LYRM4: variants seen among roughly 807,000 people sequenced by gnomAD.
LYRM4 encodes the protein LYR motif-containing protein 4.
Under a neutral mutation model 11.7 loss-of-function variants are expected in LYRM4, and 9 were observed. That is an observed-to-expected ratio of 0.77 (90% CI 0.46 to 1.34). The LOEUF (loss-of-function observed/expected upper bound fraction) is 1.34, where lower values mean the gene tolerates loss of function less well. Ranked by LOEUF, LYRM4 falls within the 40% of genes most tolerant of loss-of-function variation. The pLI is 0.00. For synonymous variants in LYRM4, 42 were observed against 40.4 expected, an observed-to-expected ratio of 1.04 and a Z score of -0.15; for missense variants, 133 against 112.5, an observed-to-expected ratio of 1.18 and a Z score of -0.82.
intron 1 of LYRM4, chr6:5,240,690 G>C (rs1763825633): frequency 6.6e-6 from 1 of 152,254 alleles, no homozygotes; most frequent in Non-Finnish European, 1.5e-5. Flanking sequence ...GTAGGTCCCA[G>C]CTTTGTGAGC....
the LYRM4 span, chr6:5,066,638 T>G: frequency 8.4e-7 from 1 of 1,192,110 alleles, no homozygotes; most frequent in African/African-American, 1.5e-5. Context: ...TGGCACCAAT[T>G]TCAAGTAATG....
At chr6:5,218,453 A>G (rs1762402600) in intron 1 of LYRM4, 1 of 887,340 alleles carries the variant, frequency 1.1e-6, no homozygotes, top group South Asian at 5.2e-5. Flanking sequence ...TAAAGTAAAA[A>G]GGCATTTTAC....
At chr6:5,258,194 G>T (rs1459516636) in intron 1 of LYRM4, among the ~76,000 whole-genome samples, 1 of 152,192 alleles carries the variant, frequency 6.6e-6, no homozygotes, top group Admixed American at 6.5e-5. Context: ...GGAGCAGACA[G>T]GGCTCCTGCT....
the LYRM4 span, among the ~76,000 whole-genome samples, chr6:5,080,345 C>A: frequency 6.6e-6 from 1 of 152,204 alleles, no homozygotes; most frequent in Non-Finnish European, 1.5e-5. Flanking sequence ...CAGAGTGGAA[C>A]CTGCAATTCT....
At chr6:5,215,403 T>C (rs1762219032) in intron 2 of LYRM4, among the ~76,000 whole-genome samples, 2 of 152,190 alleles carry the variant, frequency 1.3e-5, no homozygotes, top group South Asian at 4.1e-4. Context: ...TATACATAAA[T>C]GTGCAGATCA....
chr6:5,057,542 C>T, the LYRM4 span, among the ~76,000 whole-genome samples: 3 of 146,404 alleles, frequency 2.0e-5, no homozygotes, highest in African/African-American at 7.6e-5. Flanking sequence ...GATGGTGAAA[C>T]CCCCATCTCT....
intron 1 of LYRM4, among the ~76,000 whole-genome samples, chr6:5,254,728 A>T (rs1764589961): frequency 6.6e-6 from 1 of 152,038 alleles, no homozygotes. Context: ...TCATACTCCA[A>T]CTTGCCCTCT....
chr6:5,180,694 G>A (rs1021936446), intron 2 of LYRM4, among the ~76,000 whole-genome samples: 4 of 152,164 alleles, frequency 2.6e-5, no homozygotes, highest in East Asian at 1.9e-4. Context: ...CTCTGCCAGC[G>A]TGGACCTGGT....
chr6:5,256,254 C>G (rs986862797), intron 1 of LYRM4, among the ~76,000 whole-genome samples: 2 of 151,882 alleles, frequency 1.3e-5, no homozygotes, highest in African/African-American at 4.8e-5. Flanking sequence ...CTTTGGGAGG[C>G]CGAGGTGGGC....
chr6:5,233,303 T>C (rs1305245859), intron 1 of LYRM4, among the ~76,000 whole-genome samples: 1 of 152,234 alleles, frequency 6.6e-6, no homozygotes, highest in Non-Finnish European at 1.5e-5. Flanking sequence ...GAACCAGCAT[T>C]TCCCAGCATG....
intron 1 of LYRM4, chr6:5,240,659 C>T (rs1437511354): frequency 2.6e-5 from 4 of 152,222 alleles, no homozygotes; most frequent in Non-Finnish European, 5.9e-5. Context: ...GGATTGTAAA[C>T]CCGCAGCAGT....
At chr6:5,108,386 T>A (rs1436645227), downstream of LYRM4, 2 of 933,568 alleles carry the variant, frequency 2.1e-6, no homozygotes, top group Admixed American at 6.2e-5. Flanking sequence ...TAATATGTTC[T>A]TTCTATGTTT....
chr6:5,073,512 C>A, the LYRM4 span, among the ~76,000 whole-genome samples: 1 of 147,662 alleles, frequency 6.8e-6, no homozygotes, highest in African/African-American at 2.5e-5. Context: ...ATATATCTCT[C>A]TATATATCTA....
chr6:5,129,171 A>T (rs144268657), intron 2 of LYRM4, among the ~76,000 whole-genome samples: 2 of 152,098 alleles, frequency 1.3e-5, no homozygotes, highest in Admixed American at 1.3e-4. Context: ...TCAGCTGGGA[A>T]TATGGGAAAT....
At chr6:5,237,185 G>T (rs1283409821) in intron 1 of LYRM4, among the ~76,000 whole-genome samples, 1 of 152,194 alleles carries the variant, frequency 6.6e-6, no homozygotes, top group Non-Finnish European at 1.5e-5. Context: ...CACAGCAGCA[G>T]ATGAGCGAAG....
intron 1 of LYRM4, among the ~76,000 whole-genome samples, chr6:5,229,017 A>AAAAAAAAAAAG (rs1763071856): frequency 6.6e-6 from 1 of 151,502 alleles, no homozygotes; most frequent in African/African-American, 2.4e-5. Context: ...AAAAAAAAAA[A>AAAAAAAAAAAG]AAAAAAAAAG....
At chr6:5,210,933 T>C (rs532604347) in intron 2 of LYRM4, among the ~76,000 whole-genome samples, 1 of 152,336 alleles carries the variant, frequency 6.6e-6, no homozygotes, top group East Asian at 1.9e-4. Context: ...TTTGGATTGA[T>C]TCTACCTTTT....
chr6:5,225,017 G>A (rs1168173499), intron 1 of LYRM4, among the ~76,000 whole-genome samples: 4 of 152,072 alleles, frequency 2.6e-5, no homozygotes, highest in African/African-American at 9.7e-5. Flanking sequence ...GGGAGGCCGA[G>A]GCAGGCGGAT....
chr6:5,118,094 A>ATATATATATATATTTTTTTTT, intron 2 of LYRM4, among the ~76,000 whole-genome samples: 10 of 86,110 alleles, frequency 1.2e-4, no homozygotes, highest in African/African-American at 3.9e-4. Flanking sequence ...ATATATATAT[A>ATATATATATATATTTTTTTTT]TTTTTGTTTT....
Sources: gnomAD v4.1 joint callset for allele counts (sites outside exome capture counted in the v4.1 genomes callset) on GRCh38, gnomAD v4.1.1 for gene constraint, MANE v1.5 for transcripts, NCBI Gene and HGNC (gene_info 2026-07-23, HGNC 2026-07-21) for gene names.